PLPPR1: variants seen among roughly 807,000 people sequenced by gnomAD.
The protein encoded by PLPPR1 is phospholipid phosphatase related 1.
PLPPR1 carries 10 observed loss-of-function variants against 33.1 expected under a neutral mutation model. That is an observed-to-expected ratio of 0.30 (90% confidence interval 0.19 to 0.51). The LOEUF is 0.51. Ranked by LOEUF, PLPPR1 falls within the 20% of genes least tolerant of loss-of-function variation. PLPPR1 has a pLI of 0.97. For missense variants in PLPPR1, 304 were observed against 408.1 expected (o/e 0.74, Z 2.20); for synonymous variants, 151 against 151.0 (o/e 1.00, Z 0.00).
chr9:101,155,748 C>A, intron 1 of PLPPR1, among the ~76,000 whole-genome samples: 1 of 151,880 alleles, frequency 6.6e-6, no homozygotes, highest in East Asian at 1.9e-4. Flanking sequence ...TACAGGCATG[C>A]GCCACCACAC....
At chr9:101,256,751 CAAAATGG>C (rs557585855) in intron 2 of PLPPR1, among the ~76,000 whole-genome samples, 78 of 152,168 alleles carry the variant, frequency 5.1e-4, no homozygotes, top group African/African-American at 1.8e-3. Context: ...CTGAGTTCCT[CAAAATGG>C]TCCAAGCAAA....
intron 1 of PLPPR1, among the ~76,000 whole-genome samples, chr9:101,029,857 G>A (rs1829921324): frequency 6.6e-6 from 1 of 152,226 alleles, no homozygotes; most frequent in Non-Finnish European, 1.5e-5. Flanking sequence ...GAGCTGAACA[G>A]GGGCTGCTGC....
intron 1 of PLPPR1, among the ~76,000 whole-genome samples, chr9:101,063,591 C>T (rs1402862292): frequency 6.6e-6 from 1 of 152,072 alleles, no homozygotes; most frequent in Non-Finnish European, 1.5e-5. Context: ...CTTCCACACT[C>T]CTCACGTATT....
intron 1 of PLPPR1, among the ~76,000 whole-genome samples, chr9:101,073,582 G>A (rs996230044): frequency 3.9e-5 from 6 of 152,074 alleles, no homozygotes; most frequent in African/African-American, 1.4e-4. Flanking sequence ...GTAGAACAGT[G>A]GGTTTCTTGG....
intron 2 of PLPPR1, chr9:101,187,454 G>A (rs1239821306): frequency 6.6e-6 from 1 of 151,948 alleles, no homozygotes; most frequent in Non-Finnish European, 1.5e-5. Context: ...ATCTGGGAGA[G>A]GAAAGATGGT....
chr9:101,087,076 G>A (rs1830686816), intron 1 of PLPPR1, among the ~76,000 whole-genome samples: 1 of 151,946 alleles, frequency 6.6e-6, no homozygotes, highest in African/African-American at 2.4e-5. Flanking sequence ...TACTCAGAAG[G>A]CTGAGGCAGG....
At chr9:101,309,106 C>T in intron 4 of PLPPR1, 105 bp from the exon 5 acceptor site, 1 of 1,175,502 alleles carries the variant, frequency 8.5e-7, no homozygotes, top group Non-Finnish European at 1.2e-6. Flanking sequence ...TACTTAGAAT[C>T]ATTTTGATAG....
intron 1 of PLPPR1, among the ~76,000 whole-genome samples, chr9:101,146,932 T>G (rs1831528032): frequency 6.6e-6 from 1 of 152,240 alleles, no homozygotes; most frequent in African/African-American, 2.4e-5. Context: ...GTTTCTGATT[T>G]ATGCTGCTTA....
rs1417344667 is a variant in PLPPR1 at position 101,288,757 on chromosome 9, T to G, written c.385+2521T>G. The stretch of plus-strand genomic sequence containing the variant: ...TGTAGGGATTAAGTCTGATTATTTG[T>G]GTTTTCGCAAGTCATCCAGGTGATT... On this transcript the variant is annotated intron_variant, in intron 4 of 7. Coordinates refer to ENST00000374874, the MANE Select transcript of PLPPR1 (RefSeq NM_207299.2). 3.3e-5 allele frequency among the ~76,000 whole-genome samples: 5 copies of G among 152,156 alleles called. No homozygotes were observed. The South Asian group carries it at 8.3e-4, about 25-fold the overall frequency.
chr9:101,039,693 T>C (rs575368836), intron 1 of PLPPR1, among the ~76,000 whole-genome samples: 1 of 152,186 alleles, frequency 6.6e-6, no homozygotes, highest in Non-Finnish European at 1.5e-5. Flanking sequence ...GCAAGTCACA[T>C]CTTACGTGGA....
At chr9:101,125,164 G>C (rs1419526795) in intron 1 of PLPPR1, among the ~76,000 whole-genome samples, 1 of 151,076 alleles carries the variant, frequency 6.6e-6, no homozygotes, top group African/African-American at 2.4e-5. Context: ...ACCTCTTTAG[G>C]GCACTGACCT....
chr9:101,175,467 G>A (rs986656515), intron 1 of PLPPR1, among the ~76,000 whole-genome samples: 8 of 152,080 alleles, frequency 5.3e-5, no homozygotes, highest in African/African-American at 1.9e-4. Flanking sequence ...TGTCTACTGT[G>A]CCTAAAAGAT....
chr9:101,047,167 T>C (rs1183898992), intron 1 of PLPPR1, among the ~76,000 whole-genome samples: 3 of 152,236 alleles, frequency 2.0e-5, no homozygotes, highest in Non-Finnish European at 4.4e-5. Flanking sequence ...TTATAGTTTT[T>C]TGAGTCTTAT....
chr9:101,292,910 A>C (rs886427264), intron 4 of PLPPR1, among the ~76,000 whole-genome samples: 33 of 151,966 alleles, frequency 2.2e-4, no homozygotes, highest in Non-Finnish European at 3.2e-4. Context: ...CGAGCAAAAT[A>C]ACCAGCTAAC....
chr9:101,054,183 C>G (rs893789796), intron 1 of PLPPR1, among the ~76,000 whole-genome samples: 3 of 151,614 alleles, frequency 2.0e-5, no homozygotes, highest in Non-Finnish European at 4.4e-5. Context: ...GACTCCATCT[C>G]AAAAACAAAA....
intron 2 of PLPPR1, among the ~76,000 whole-genome samples, chr9:101,237,719 T>A (rs1217339632): frequency 7.0e-6 from 1 of 142,850 alleles, no homozygotes; most frequent in Non-Finnish European, 1.5e-5. Flanking sequence ...TATCTATATA[T>A]GTGTGTGTAT....
chr9:101,298,365 C>T (rs1403835581), intron 4 of PLPPR1, among the ~76,000 whole-genome samples: 2 of 152,086 alleles, frequency 1.3e-5, no homozygotes, highest in African/African-American at 2.4e-5. Flanking sequence ...TGGTAAACAG[C>T]GAATTCATGT....
At chr9:101,132,583 A>C (rs1831325720) in intron 1 of PLPPR1, among the ~76,000 whole-genome samples, 1 of 152,274 alleles carries the variant, frequency 6.6e-6, no homozygotes, top group South Asian at 2.1e-4. Context: ...ATAATGATGG[A>C]TACATGTTAT....
At chr9:101,293,400 A>T (rs1828557506) in intron 4 of PLPPR1, among the ~76,000 whole-genome samples, 1 of 151,718 alleles carries the variant, frequency 6.6e-6, no homozygotes, top group African/African-American at 2.4e-5. Flanking sequence ...TCAACGAGAC[A>T]GAAAGTTAAC....
Sources: gnomAD v4.1 joint callset for allele counts (sites outside exome capture counted in the v4.1 genomes callset) on GRCh38, gnomAD v4.1.1 for gene constraint, MANE v1.5 for transcripts, NCBI Gene and HGNC (gene_info 2026-07-23, HGNC 2026-07-21) for gene names.